MARCHF1: variants seen among roughly 807,000 people sequenced by gnomAD.
MARCHF1 encodes E3 ubiquitin-protein ligase MARCHF1.
MARCHF1 carries 40 observed loss-of-function variants against 54.2 expected under a neutral mutation model. The observed-to-expected ratio is 0.74, with a 90% CI of 0.57 to 0.96. The LOEUF (loss-of-function observed/expected upper bound fraction) is 0.96. Among genes scored for constraint, MARCHF1 ranks in the 40% least tolerant of loss-of-function variants. MARCHF1 has a pLI of 0.00. For missense variants in MARCHF1, 586 were observed against 656.5 expected (o/e 0.89, Z 1.17); for synonymous variants, 236 against 236.3 (o/e 1.00, Z 0.01).
At chr4:163,841,155 T>G (rs1002587519) in intron 4 of MARCHF1, among the ~76,000 whole-genome samples, 2 of 152,082 alleles carry the variant, frequency 1.3e-5, no homozygotes. Context: ...CAGAGGATTT[T>G]TGGGGCAGTG....
chr4:164,242,070 C>T (rs548463899), intron 1 of MARCHF1, among the ~76,000 whole-genome samples: 2 of 152,322 alleles, frequency 1.3e-5, no homozygotes, highest in South Asian at 4.1e-4. Context: ...CGCCATTGCC[C>T]AGCCTTGATT....
intron 4 of MARCHF1, among the ~76,000 whole-genome samples, chr4:163,752,085 T>C (rs1338244364): frequency 6.6e-6 from 1 of 152,154 alleles, no homozygotes; most frequent in Non-Finnish European, 1.5e-5. Flanking sequence ...TTATAACTCA[T>C]AGTGGAATTT....
chr4:164,190,516 C>T (rs902442090), intron 1 of MARCHF1: 1 of 256,968 alleles, frequency 3.9e-6, no homozygotes, highest in African/African-American at 2.2e-5. Context: ...CACATGTCTT[C>T]AGGTAGGGGG....
In MARCHF1 at chr4:163,700,803, C is replaced by T. The variant is rs1182551607; in HGVS notation, c.162+10G>A. On this transcript the variant is annotated intron_variant, in intron 5 of 9. Transcript: ENST00000514618. ...AAGTCAACAAACAAGAAAATGAGTA[C>T]TTCACCTACTTTTGAAATGTTACTT... The T allele has an allele frequency of 1.3e-6, 2 of 1,534,466 alleles. No homozygotes were observed. Among genetic ancestry groups the T allele is most frequent in the Non-Finnish European group, 1.7e-6 (2 of 1,144,822 alleles).
intron 4 of MARCHF1, among the ~76,000 whole-genome samples, chr4:163,758,192 G>A (rs945874920): frequency 6.6e-6 from 1 of 152,136 alleles, no homozygotes; most frequent in African/African-American, 2.4e-5. Context: ...TTGGCTGAGG[G>A]ATGAGGGAGT....
Position 163,802,840 on chromosome 4 carries a change from T to C in MARCHF1, c.111+51181A>G, listed in dbSNP as rs145166464. On this transcript the variant is annotated intron_variant, in intron 4 of 9. Transcript: ENST00000514618. ...TCAGTCAAGGTATCTAGGTGCTTTG[T>C]TCTAATCACAGTGAATGTTATGTTA... Among the ~76,000 whole-genome samples the C allele has an allele frequency of 5.8e-3, 891 of 152,316 alleles. 9 individuals carry two copies. Among genetic ancestry groups the C allele is most frequent in the African/African-American group, 0.02 (828 of 41,580 alleles).
intron 2 of MARCHF1, among the ~76,000 whole-genome samples, chr4:164,002,532 A>C (rs1290333529): frequency 6.6e-6 from 1 of 151,768 alleles, no homozygotes; most frequent in Non-Finnish European, 1.5e-5. Flanking sequence ...GCGCCAAAAA[A>C]AAACTTAAAA....
chr4:164,037,920 G>A (rs947702195), intron 2 of MARCHF1, among the ~76,000 whole-genome samples: 2 of 152,142 alleles, frequency 1.3e-5, no homozygotes, highest in African/African-American at 4.8e-5. Flanking sequence ...TAATAATCTT[G>A]AAGTGATGAA....
chr4:163,803,382 C>G (rs573860606), intron 4 of MARCHF1, among the ~76,000 whole-genome samples: 1 of 149,700 alleles, frequency 6.7e-6, no homozygotes, highest in African/African-American at 2.5e-5. Flanking sequence ...CATGTTGGCC[C>G]GGCTGGTCTT....
chr4:163,695,199 A>G (rs1408004554), intron 5 of MARCHF1, among the ~76,000 whole-genome samples: 5 of 152,186 alleles, frequency 3.3e-5, no homozygotes, highest in Non-Finnish European at 1.5e-5. Context: ...TTTTATACAT[A>G]AGAAACACTT....
chr4:164,195,465 C>T (rs537326154), intron 1 of MARCHF1, among the ~76,000 whole-genome samples: 3 of 152,222 alleles, frequency 2.0e-5, no homozygotes, highest in African/African-American at 4.8e-5. Context: ...ATATACCTCA[C>T]GTTCTCTAGG....
chr4:164,293,792 C>T (rs1330845693), intron 1 of MARCHF1, among the ~76,000 whole-genome samples: 2 of 152,198 alleles, frequency 1.3e-5, no homozygotes, highest in Non-Finnish European at 1.5e-5. Context: ...TGCATTAGTT[C>T]CTCTGCCCTG....
At position 163,666,707 on chromosome 4, in the gene MARCHF1, A is replaced by AT. The variant is rs111964280; in HGVS notation, c.162+34105dup. On this transcript the variant is annotated intron_variant, in intron 5 of 9. Transcript: ENST00000514618. ...ATGTCTTGTCACAAGAAATTTTCAG[A>AT]TTTTTTTTTTTTTGGCCTATTTTCA... 6.5e-3 allele frequency among the ~76,000 whole-genome samples: 942 copies of AT among 144,486 alleles called. 6 individuals are homozygous for AT. The highest frequency in any genetic ancestry group is 0.046 in the Middle Eastern group (13 of 280). The allele number at this position is 144,486 out of a possible 152,430, so 94.8% of individuals were successfully genotyped here. A position where few individuals can be genotyped will look rare whatever the true frequency, so the allele number is the denominator to read the frequency against.
chr4:163,596,578 C>T (rs1476725882), intron 7 of MARCHF1, among the ~76,000 whole-genome samples: 1 of 143,466 alleles, frequency 7.0e-6, no homozygotes, highest in East Asian at 2.1e-4. Flanking sequence ...CATCTATTTA[C>T]AGAACCTCTG....
chr4:163,556,880 G>A lies in MARCHF1; in HGVS notation c.1192-11137C>T, dbSNP rs538366588. The stretch of plus-strand genomic sequence containing the variant: ...TTCTTAAGAATTTTGTCCTAAAACT[G>A]AAGATTTTTTTTTTTTTTTAAAGAG... On this transcript the variant is annotated intron_variant, in intron 8 of 9. Transcript: ENST00000514618. Among the ~76,000 whole-genome samples, 4 of 150,016 alleles carry A rather than the reference G, an allele frequency of 2.7e-5. No homozygotes were observed. In the South Asian group the frequency reaches 8.4e-4, roughly 32 times the overall value.
At chr4:163,822,853 G>A (rs529425923) in intron 4 of MARCHF1, among the ~76,000 whole-genome samples, 5 of 151,858 alleles carry the variant, frequency 3.3e-5, no homozygotes, top group South Asian at 2.1e-4. Flanking sequence ...ACCCATTTAC[G>A]TACAATTCTA....
chr4:164,082,638 A>G (rs1282891046), intron 2 of MARCHF1, among the ~76,000 whole-genome samples: 1 of 152,198 alleles, frequency 6.6e-6, no homozygotes, highest in East Asian at 1.9e-4. Flanking sequence ...CACAAAAGAC[A>G]TCAAGTAATT....
chr4:164,159,865 T>A (rs1730183937), intron 1 of MARCHF1, among the ~76,000 whole-genome samples: 1 of 152,240 alleles, frequency 6.6e-6, no homozygotes, highest in East Asian at 1.9e-4. Flanking sequence ...ATGGTACCTC[T>A]TCTCTGGACC....
chr4:163,956,118 T>G lies in MARCHF1; in HGVS notation c.-39+32383A>C, dbSNP rs536537652. 4.6e-5 allele frequency among the ~76,000 whole-genome samples: 7 copies of G among 152,292 alleles called. No homozygotes were observed. The South Asian group carries it at 1.4e-3, about 32-fold the overall frequency. ...GAAAAATTACAATTATGTAAGATGT[T>G]AACATCAGGAGAAGCTGGGTAATGA... On this transcript the variant is annotated intron_variant, in intron 3 of 9. Transcript: ENST00000514618.
Sources: allele counts gnomAD v4.1 joint callset (sites outside exome capture counted in the v4.1 genomes callset), GRCh38; gene constraint gnomAD v4.1.1; transcripts MANE v1.5; gene names NCBI Gene and HGNC (gene_info 2026-07-23, HGNC 2026-07-21).